Variants in PEBP4 observed in about 807,000 individuals in gnomAD.
The protein encoded by PEBP4 is phosphatidylethanolamine-binding protein 4.
Under a neutral mutation model 23.9 loss-of-function variants are expected in PEBP4, and 22 were observed. The observed-to-expected ratio is 0.92, with a 90% CI of 0.66 to 1.31. The LOEUF (loss-of-function observed/expected upper bound fraction) is 1.31, where lower values mean the gene tolerates loss of function less well. Ranked by LOEUF, PEBP4 falls within the 40% of genes most tolerant of loss-of-function variation. The pLI, the probability that PEBP4 is intolerant of heterozygous loss-of-function variation, is 0.00. For synonymous variants in PEBP4, 112 were observed against 99.3 expected, an observed-to-expected ratio of 1.13 and a Z score of -0.76; for missense variants, 324 against 281.7, an observed-to-expected ratio of 1.15 and a Z score of -1.07.
intron 3 of PEBP4, among the ~76,000 whole-genome samples, chr8:22,873,386 T>G (rs1248870527): frequency 2.0e-5 from 3 of 151,992 alleles, no homozygotes; most frequent in Non-Finnish European, 4.4e-5. Context: ...CCCAGCACTT[T>G]GGGAGCTCAA....
chr8:22,799,800 G>A (rs551289971), intron 4 of PEBP4, among the ~76,000 whole-genome samples: 159 of 152,184 alleles, frequency 1.0e-3, no homozygotes, highest in African/African-American at 3.5e-3. Flanking sequence ...GAGAACACGC[G>A]GTGTAAGGAT....
chr8:22,804,685 G>A (rs1806460334), intron 4 of PEBP4, among the ~76,000 whole-genome samples: 1 of 152,022 alleles, frequency 6.6e-6, no homozygotes, highest in Non-Finnish European at 1.5e-5. Flanking sequence ...CACATCCCCT[G>A]AGAAGCCTTA....
chr8:22,716,786 C>G (rs1346950884), intron 6 of PEBP4, among the ~76,000 whole-genome samples: 2 of 152,238 alleles, frequency 1.3e-5, no homozygotes, highest in South Asian at 2.1e-4. Flanking sequence ...GGGGGATCGG[C>G]TCCCCTGCCA....
intron 3 of PEBP4, among the ~76,000 whole-genome samples, chr8:22,849,091 G>C (rs1407739408): frequency 6.6e-6 from 1 of 152,214 alleles, no homozygotes; most frequent in East Asian, 1.9e-4. Context: ...TTCTGTGCTT[G>C]AGACCCTAAA....
intron 3 of PEBP4, among the ~76,000 whole-genome samples, chr8:22,859,763 A>G (rs185408493): frequency 6.6e-4 from 101 of 152,162 alleles, no homozygotes; most frequent in African/African-American, 2.3e-3. Context: ...TTTGGGCCCT[A>G]TCAGTCCAGC....
intron 4 of PEBP4, among the ~76,000 whole-genome samples, chr8:22,797,270 A>C (rs1039047070): frequency 7.7e-6 from 1 of 129,362 alleles, no homozygotes; most frequent in East Asian, 2.3e-4. Context: ...AAAAAAAAAA[A>C]AAGACAGAAA....
Position 22,911,276 on chromosome 8 carries a change from G to C in PEBP4, c.258+8908C>G, listed in dbSNP as rs545877181. Among the ~76,000 whole-genome samples, 13 of 152,216 alleles carry C rather than the reference G, an allele frequency of 8.5e-5. No individual in the cohort carries two copies. The South Asian group carries it at 2.7e-3, about 32-fold the overall frequency. On this transcript the variant is annotated intron_variant, in intron 3 of 6. Coordinates refer to ENST00000256404, the MANE Select transcript of PEBP4 (RefSeq NM_144962.3). ...AAGACCAACATGTCAGGGGTGCGCT[G>C]GTCCCTGGAAGAATGAGAGATGCCC...
intron 4 of PEBP4, among the ~76,000 whole-genome samples, chr8:22,802,698 C>T (rs561504510): frequency 5.9e-5 from 9 of 152,328 alleles, no homozygotes; most frequent in East Asian, 1.9e-4. Context: ...TGTTCCAAGA[C>T]GCTTTGTTAC....
At chr8:22,737,187 G>A (rs531569576) in intron 4 of PEBP4, among the ~76,000 whole-genome samples, 7 of 151,830 alleles carry the variant, frequency 4.6e-5, no homozygotes, top group Non-Finnish European at 5.9e-5. Context: ...CCAGTTACTC[G>A]GGAGGCTGAG....
chr8:22,917,570 ACTCTGG>A (rs536704288), intron 3 of PEBP4, among the ~76,000 whole-genome samples: 45 of 151,948 alleles, frequency 3.0e-4, no homozygotes, highest in Admixed American at 9.2e-4. Context: ...CCTGGCTTTG[ACTCTGG>A]CTCTGGCACC....
intron 3 of PEBP4, among the ~76,000 whole-genome samples, chr8:22,856,514 C>G (rs112371987): frequency 6.6e-6 from 1 of 152,094 alleles, no homozygotes; most frequent in African/African-American, 2.4e-5. Flanking sequence ...GCCAGGAGCT[C>G]GAGACGGGCC....
chr8:22,860,806 G>A (rs1400685078), intron 3 of PEBP4, among the ~76,000 whole-genome samples: 1 of 152,172 alleles, frequency 6.6e-6, no homozygotes, highest in Non-Finnish European at 1.5e-5. Context: ...AGTCTCTCCT[G>A]CACGGTCCAT....
chr8:22,733,831 ATGGGGGAATTGGGGAGGGTGGGG>A (rs1385783509), intron 4 of PEBP4, among the ~76,000 whole-genome samples: 1 of 6,730 alleles, frequency 1.5e-4, no homozygotes, highest in Non-Finnish European at 3.1e-4. Flanking sequence ...GAGGGTGGGG[ATGGGGGAATTGGGGAGGGTGGGG>A]ATGGGGGGAC....
intron 4 of PEBP4, chr8:22,756,052 A>G (rs746084965): frequency 5.9e-5 from 9 of 152,256 alleles, no homozygotes; most frequent in Non-Finnish European, 1.2e-4. Flanking sequence ...ATAATGATGT[A>G]TCATAATAGA....
chr8:22,748,524 G>A (rs1258951613), intron 4 of PEBP4, among the ~76,000 whole-genome samples: 1 of 151,558 alleles, frequency 6.6e-6, no homozygotes, highest in Non-Finnish European at 1.5e-5. Flanking sequence ...GCTGCTCAGG[G>A]TCAAGTCCTT....
intron 4 of PEBP4, among the ~76,000 whole-genome samples, chr8:22,808,036 C>T (rs1259972114): frequency 2.6e-5 from 4 of 152,028 alleles, no homozygotes; most frequent in African/African-American, 9.7e-5. Context: ...TTTATCCATC[C>T]ATCCATCCAT....
intron 3 of PEBP4, among the ~76,000 whole-genome samples, chr8:22,846,349 AT>A (rs1200257334): frequency 6.6e-6 from 1 of 152,160 alleles, no homozygotes; most frequent in Non-Finnish European, 1.5e-5. Flanking sequence ...AAAAGGGGAA[AT>A]GTGGCTCTTA....
At chr8:22,772,734 G>T (rs972070595) in intron 4 of PEBP4, among the ~76,000 whole-genome samples, 2 of 152,134 alleles carry the variant, frequency 1.3e-5, no homozygotes, top group Non-Finnish European at 2.9e-5. Context: ...TGGGACCCAG[G>T]CCCTACTGTC....
rs555392076 is a variant in PEBP4, at chr8:22,926,382, T to C, written c.131+1202A>G. Among the ~76,000 whole-genome samples, 33 of 152,322 alleles carry C rather than the reference T, an allele frequency of 2.2e-4. No homozygotes were observed. In the South Asian group the frequency reaches 6.0e-3, roughly 28 times the overall value. ...GTTGTTTAGGCAGGGTCTGGCTCTG[T>C]TGCCCAGGCTGGAATGCAGTGGCGC... On this transcript the variant is annotated intron_variant, in intron 2 of 6. Coordinates refer to ENST00000256404, the MANE Select transcript of PEBP4 (RefSeq NM_144962.3).
Sources: allele counts gnomAD v4.1 joint callset (sites outside exome capture counted in the v4.1 genomes callset), GRCh38; gene constraint gnomAD v4.1.1; transcripts MANE v1.5; gene names NCBI Gene and HGNC (gene_info 2026-07-23, HGNC 2026-07-21).